The following SYT16 variants were observed in gnomAD, a reference collection of about 807,000 sequenced individuals.
SYT16 encodes synaptotagmin-16.
Under a neutral mutation model 61.4 loss-of-function variants are expected in SYT16, and 42 were observed. The observed-to-expected ratio is 0.68, with a 90% CI of 0.53 to 0.89. The LOEUF (loss-of-function observed/expected upper bound fraction) is 0.89, where lower values mean the gene tolerates loss of function less well. Among genes scored for constraint, SYT16 ranks in the 40% least tolerant of loss-of-function variants. The probability of loss-of-function intolerance (pLI) is 0.00; values close to 1 mark genes in which losing one functional copy is unlikely to be tolerated. For missense variants in SYT16, 804 were observed against 807.3 expected (o/e 1.00, Z 0.05); for synonymous variants, 314 against 302.3 (o/e 1.04, Z -0.40).
At chr14:61,908,747 G>T (rs942171174) in intron 1 of SYT16, among the ~76,000 whole-genome samples, 4 of 152,194 alleles carry the variant, frequency 2.6e-5, no homozygotes, top group African/African-American at 9.7e-5. Flanking sequence ...AAGTGTTCCT[G>T]AAACGCAAGC....
chr14:61,937,358 C>T (rs981638481), intron 1 of SYT16, among the ~76,000 whole-genome samples: 3 of 152,184 alleles, frequency 2.0e-5, no homozygotes, highest in Admixed American at 1.3e-4. Context: ...ATCCTTTGCC[C>T]TGGGGGAAGA....
chr14:61,868,000 G>C (rs777303837), intron 1 of SYT16, among the ~76,000 whole-genome samples: 63 of 151,856 alleles, frequency 4.1e-4, no homozygotes, highest in Admixed American at 2.4e-3. Flanking sequence ...TGTATTATTG[G>C]GATAAACTCC....
rs1481576495 is a variant in SYT16, at chr14:62,109,868, A to G, written c.*9161A>G. The G allele has an allele frequency of 6.6e-6, 1 of 152,230 alleles. No homozygotes were observed. The highest frequency in any genetic ancestry group is 1.5e-5 in the Non-Finnish European group (1 of 68,036). The allele number at this position is 152,230 out of a possible 1,614,324, so 9.4% of individuals were successfully genotyped here. On this transcript the variant is annotated 3_prime_UTR_variant, in exon 8 of 8. Coordinates refer to ENST00000683842, the MANE Select transcript of SYT16 (RefSeq NM_001367656.1). ...GGAAGCTTTGTGATTGTGCCCCGTC[A>G]TAGTTAATTGTACAAATCAATTAAA...
At chr14:61,913,023 C>T (rs889762122) in intron 1 of SYT16, among the ~76,000 whole-genome samples, 1 of 152,156 alleles carries the variant, frequency 6.6e-6, no homozygotes, top group Non-Finnish European at 1.5e-5. Context: ...TTCTTCATTT[C>T]ATCCAGATTT....
At position 62,080,825 on chromosome 14, in the gene SYT16, C is replaced by T; in HGVS notation, c.994-9C>T. On this transcript the variant is annotated splice_polypyrimidine_tract_variant and intron_variant, in intron 5 of 7. Transcript: ENST00000683842. ...TTCCATTTCTAATTGTTTCCTCTGC[C>T]TGCAACAGGAACAGGACAGGACCAA... 1 of 1,582,010 alleles carries T rather than the reference C, an allele frequency of 6.3e-7. No individual in the cohort carries two copies. The highest frequency in any genetic ancestry group is 8.6e-7 in the Non-Finnish European group (1 of 1,162,298).
At chr14:61,964,354 T>A (rs983483325) in intron 1 of SYT16, among the ~76,000 whole-genome samples, 2 of 152,134 alleles carry the variant, frequency 1.3e-5, no homozygotes, top group Admixed American at 1.3e-4. Context: ...AGAAGTTGAT[T>A]CTAACCCTCT....
At chr14:62,041,388 A>G (rs2054723924) in intron 3 of SYT16, among the ~76,000 whole-genome samples, 1 of 152,114 alleles carries the variant, frequency 6.6e-6, no homozygotes, top group Non-Finnish European at 1.5e-5. Context: ...CTTTTAACTG[A>G]TTTTAAGGAA....
intron 3 of SYT16, among the ~76,000 whole-genome samples, chr14:62,049,737 G>A (rs545997874): frequency 2.0e-5 from 3 of 152,246 alleles, no homozygotes; most frequent in African/African-American, 7.2e-5. Flanking sequence ...CACTTATGAA[G>A]CTTAGTTTGG....
intron 3 of SYT16, among the ~76,000 whole-genome samples, chr14:62,004,137 T>C (rs561890781): frequency 6.6e-6 from 1 of 152,210 alleles, no homozygotes. Context: ...AAAAAAGCTT[T>C]AATTGATTCA....
chr14:62,001,607 A>G (rs914298318), intron 3 of SYT16, among the ~76,000 whole-genome samples: 5 of 110,402 alleles, frequency 4.5e-5, no homozygotes, highest in Non-Finnish European at 8.8e-5. Flanking sequence ...TTCTAAGCTT[A>G]TTAGGTCTGT....
intron 2 of SYT16, among the ~76,000 whole-genome samples, chr14:61,975,596 T>G (rs2051755829): frequency 6.6e-6 from 1 of 152,086 alleles, no homozygotes; most frequent in Admixed American, 6.6e-5. Flanking sequence ...TCAGATCTTG[T>G]GAGAACTCAC....
intron 1 of SYT16, among the ~76,000 whole-genome samples, chr14:61,836,146 A>G (rs1291903184): frequency 6.6e-6 from 1 of 152,176 alleles, no homozygotes; most frequent in East Asian, 1.9e-4. Context: ...GGGGCAGCTT[A>G]TCTTTGTATA....
intron 1 of SYT16, among the ~76,000 whole-genome samples, chr14:61,944,211 C>A (rs2050326344): frequency 6.6e-6 from 1 of 152,130 alleles, no homozygotes; most frequent in Admixed American, 6.5e-5. Context: ...GCACTACAAA[C>A]CACTGCTCAA....
intron 3 of SYT16, among the ~76,000 whole-genome samples, chr14:62,008,572 T>A (rs1367366989): frequency 6.6e-6 from 1 of 151,590 alleles, no homozygotes; most frequent in Non-Finnish European, 1.5e-5. Context: ...TTTTCTCTAC[T>A]CACTGGGGTA....
At chr14:62,012,162 G>A (rs2053494786) in intron 3 of SYT16, among the ~76,000 whole-genome samples, 1 of 152,172 alleles carries the variant, frequency 6.6e-6, no homozygotes, top group Admixed American at 6.5e-5. Flanking sequence ...GTCCAGGCAT[G>A]TGTTAGCTGA....
intron 7 of SYT16, among the ~76,000 whole-genome samples, chr14:62,099,588 C>T (rs576591473): frequency 2.0e-5 from 3 of 152,108 alleles, no homozygotes; most frequent in East Asian, 3.9e-4. Context: ...AGCTGGATCT[C>T]GAGTTTGGGA....
At chr14:61,994,530 C>CA (rs772387606) in intron 2 of SYT16, among the ~76,000 whole-genome samples, 4 of 152,046 alleles carry the variant, frequency 2.6e-5, no homozygotes, top group Non-Finnish European at 4.4e-5. Context: ...TTTGGAGTTT[C>CA]AAAAAGGTGT....
intron 1 of SYT16, among the ~76,000 whole-genome samples, chr14:61,884,918 C>T (rs1468206072): frequency 6.6e-6 from 1 of 151,992 alleles, no homozygotes; most frequent in Non-Finnish European, 1.5e-5. Flanking sequence ...TTTTGGGACC[C>T]ACTAAAAACC....
intron 1 of SYT16, among the ~76,000 whole-genome samples, chr14:61,878,507 A>T (rs1339352669): frequency 2.0e-5 from 3 of 152,212 alleles, no homozygotes; most frequent in African/African-American, 7.2e-5. Flanking sequence ...GTACCCGGCC[A>T]TGAAATCAAT....
Sources: allele counts gnomAD v4.1 joint callset (sites outside exome capture counted in the v4.1 genomes callset), GRCh38; gene constraint gnomAD v4.1.1; transcripts MANE v1.5; gene names NCBI Gene and HGNC (gene_info 2026-07-23, HGNC 2026-07-21).